The following PHF14 variants were observed in gnomAD, a reference collection of about 807,000 sequenced individuals.
PHF14 encodes the protein PHD finger protein 14.
In PHF14, 55 loss-of-function variants were observed where a neutral mutation model predicts 117.9. The ratio of observed to expected loss-of-function variants is 0.47; its 90% CI spans 0.38 to 0.58. The LOEUF (loss-of-function observed/expected upper bound fraction) is 0.58, where lower values mean the gene tolerates loss of function less well. Among genes scored for constraint, PHF14 ranks in the 20% least tolerant of loss-of-function variants. PHF14 has a pLI of 0.00. For missense variants in PHF14, 978 were observed against 1,122.2 expected (o/e 0.87, Z 1.84); for synonymous variants, 409 against 368.6 (o/e 1.11, Z -1.26).
At position 11,130,039 on chromosome 7, in the gene PHF14, A is replaced by C. The variant is rs1788050866; in HGVS notation, c.2772+18572A>C. Among the ~76,000 whole-genome samples, 1 of 152,052 alleles carries C rather than the reference A, an allele frequency of 6.6e-6. No individual in the cohort carries two copies. Among genetic ancestry groups the C allele is most frequent in the South Asian group, 2.1e-4 (1 of 4,826 alleles). On this transcript the variant is annotated intron_variant, in intron 17 of 17. Coordinates refer to ENST00000634607, the MANE Select transcript of PHF14 (RefSeq NM_001007157.2). The surrounding 1 kb of genome is among the most constrained non-coding windows in gnomAD (Gnocchi z 4.2). Reference sequence around the variant, plus strand: ...TCCCAAATTTTTAGTTGATTAATATAAGTTGATTTCTCATTCATGTAACGT... The same window carrying C: ...TCCCAAATTTTTAGTTGATTAATATCAGTTGATTTCTCATTCATGTAACGT...
chr7:11,145,042 A>C (rs1293532924), intron 17 of PHF14, among the ~76,000 whole-genome samples: 1 of 151,030 alleles, frequency 6.6e-6, no homozygotes, highest in Non-Finnish European at 1.5e-5. Context: ...TGGTTTCACA[A>C]CAATATAAAT....
intron 17 of PHF14, among the ~76,000 whole-genome samples, chr7:11,118,035 G>A (rs961309187): frequency 6.6e-6 from 1 of 151,716 alleles, no homozygotes; most frequent in Non-Finnish European, 1.5e-5. Flanking sequence ...CTCTTCTAGC[G>A]TTTGTGGGAC....
chr7:11,082,998 A>G (rs797002146), intron 16 of PHF14, among the ~76,000 whole-genome samples: 7 of 152,242 alleles, frequency 4.6e-5, no homozygotes, highest in African/African-American at 1.7e-4. Flanking sequence ...TTGGGAAGAA[A>G]ACTAGCTCTC....
intron 17 of PHF14, among the ~76,000 whole-genome samples, chr7:11,113,600 T>G (rs1054068545): frequency 1.3e-5 from 2 of 152,182 alleles, no homozygotes; most frequent in Non-Finnish European, 2.9e-5. Context: ...CTTATATGAC[T>G]TAATATACTA....
At chr7:11,035,898 T>G (rs543141034) in intron 8 of PHF14, 112 bp downstream of exon 8, 2 of 796,388 alleles carry the variant, frequency 2.5e-6, no homozygotes, top group South Asian at 4.0e-5. Flanking sequence ...TTTGGTTAGT[T>G]ACCTAGGAAA....
chr7:11,075,510 C>G (rs1785804553), intron 16 of PHF14, among the ~76,000 whole-genome samples: 1 of 147,950 alleles, frequency 6.8e-6, no homozygotes, highest in Non-Finnish European at 1.5e-5. Context: ...AGATTCTTAA[C>G]TAGCTTTTGT....
At chr7:10,998,817 A>G (rs1224534422) in intron 4 of PHF14, among the ~76,000 whole-genome samples, 1 of 152,166 alleles carries the variant, frequency 6.6e-6, no homozygotes, top group Non-Finnish European at 1.5e-5. Context: ...TGCTGAGGGC[A>G]CTATCTCTAT....
At chr7:10,979,545 TTC>T (rs1164434898) in intron 2 of PHF14, among the ~76,000 whole-genome samples, 1 of 151,286 alleles carries the variant, frequency 6.6e-6, no homozygotes, top group Non-Finnish European at 1.5e-5. Context: ...TTCCTTTCCT[TTC>T]TCTCTCTTTT....
intron 17 of PHF14, among the ~76,000 whole-genome samples, chr7:11,135,953 A>G (rs552355961): frequency 6.6e-6 from 1 of 152,326 alleles, no homozygotes. Context: ...ATAAAGAATT[A>G]ATATTCAGAC....
chr7:11,117,610 A>T (rs979517332), intron 17 of PHF14, among the ~76,000 whole-genome samples: 2 of 151,090 alleles, frequency 1.3e-5, no homozygotes, highest in African/African-American at 2.4e-5. Context: ...TATAAATACA[A>T]ATATGTATTT....
chr7:11,075,485 A>G (rs1472094688), intron 16 of PHF14, among the ~76,000 whole-genome samples: 2 of 146,148 alleles, frequency 1.4e-5, no homozygotes, highest in Non-Finnish European at 3.1e-5. Context: ...AGCAAGAGAA[A>G]GAGGAGGAAG....
rs1784335616 is a variant in PHF14 at position 11,036,808 on chromosome 7, G to A, written c.1873+120G>A. On this transcript the variant is annotated intron_variant, in intron 9 of 17. Coordinates refer to ENST00000634607, the MANE Select transcript of PHF14 (RefSeq NM_001007157.2). ...CATGCTGCATATATCATAGAGGGAT[G>A]TTTATTTTCCTAATATGTTGTGGGT... The A allele has an allele frequency of 4.0e-6, 4 of 1,007,700 alleles. No individual in the cohort carries two copies. In the African/African-American group the frequency reaches 6.5e-5, roughly 16 times the overall value. 62.4% of individuals were successfully genotyped at this position (1,007,700 alleles called of 1,614,324 possible).
At position 11,061,951 on chromosome 7, in the gene PHF14, C is replaced by T; in HGVS notation, c.2533-13C>T. The stretch of plus-strand genomic sequence containing the variant: ...GTTTGTTATGTTTTATTTTATTATC[C>T]CTTGTATGGCAGGAAAGAGTTCCTA... On this transcript the variant is annotated splice_polypyrimidine_tract_variant and intron_variant, in intron 15 of 17. Coordinates refer to ENST00000634607, the MANE Select transcript of PHF14 (RefSeq NM_001007157.2). The T allele has an allele frequency of 7.0e-6, 11 of 1,573,352 alleles. No homozygotes were observed. The highest frequency in any genetic ancestry group is 1.4e-5 in the African/African-American group (1 of 73,554).
intron 17 of PHF14, among the ~76,000 whole-genome samples, chr7:11,118,284 T>A (rs1320533817): frequency 6.6e-6 from 1 of 151,900 alleles, no homozygotes; most frequent in African/African-American, 2.4e-5. Context: ...AACTTTAGAT[T>A]TCCTCTTTCC....
intron 7 of PHF14, among the ~76,000 whole-genome samples, chr7:11,032,675 A>G (rs991265687): frequency 2.0e-5 from 3 of 152,166 alleles, no homozygotes; most frequent in Non-Finnish European, 4.4e-5. Context: ...AAGTTCTCAC[A>G]GGCCCCAGCA....
intron 2 of PHF14, 116 bp from the exon 3 acceptor site, chr7:10,982,256 A>G: frequency 3.3e-6 from 2 of 608,946 alleles, no homozygotes. Flanking sequence ...AAATTTGTTT[A>G]TATTGTTTTG....
chr7:11,097,188 C>T (rs899514264), intron 16 of PHF14, among the ~76,000 whole-genome samples: 5 of 151,696 alleles, frequency 3.3e-5, no homozygotes, highest in Admixed American at 6.6e-5. Context: ...CATGTTGGTC[C>T]GGCTGGTCTC....
intron 16 of PHF14, chr7:11,107,781 A>G (rs1787320913): frequency 2.3e-6 from 2 of 870,968 alleles, no homozygotes; most frequent in South Asian, 1.1e-4. Context: ...CTTCTGAAAA[A>G]GTTTTTTAAA....
intron 16 of PHF14, among the ~76,000 whole-genome samples, chr7:11,081,468 A>G (rs1465381313): frequency 4.6e-5 from 7 of 152,174 alleles, no homozygotes; most frequent in African/African-American, 1.4e-4. Context: ...TATACCGTAA[A>G]TTTTCATCCT....
Sources: gnomAD v4.1 joint callset for allele counts (sites outside exome capture counted in the v4.1 genomes callset) on GRCh38, gnomAD v4.1.1 for gene constraint, Gnocchi (gnomAD v3.1) non-coding constraint, MANE v1.5 for transcripts, NCBI Gene and HGNC (gene_info 2026-07-23, HGNC 2026-07-21) for gene names.